TTC6: variants seen among roughly 807,000 people sequenced by gnomAD.
TTC6 encodes tetratricopeptide repeat protein 6.
A neutral mutation model predicts 210.4 loss-of-function variants in TTC6; 172 were observed. The ratio of observed to expected loss-of-function variants is 0.82; its 90% CI spans 0.72 to 0.93. The LOEUF (loss-of-function observed/expected upper bound fraction) is 0.93, where lower values mean the gene tolerates loss of function less well. Ranked by LOEUF, TTC6 falls within the 40% of genes least tolerant of loss-of-function variation. The pLI is 0.00. For synonymous variants in TTC6, 804 were observed against 819.6 expected, an observed-to-expected ratio of 0.98 and a Z score of 0.32; for missense variants, 2,414 against 2,318.1, an observed-to-expected ratio of 1.04 and a Z score of -0.85.
rs1329302530 is a variant in TTC6, at chr14:37,753,085, CG to C, written c.3130-13del. On this transcript the variant is annotated splice_polypyrimidine_tract_variant and intron_variant, in intron 13 of 30. Coordinates refer to ENST00000553443, the Ensembl canonical transcript of TTC6. Reference sequence around the variant, plus strand: ...CATTTTGTGATGTTTATGTACCTCCCGCTGTCCCTATAGTGTATTTTTTATG... The same window carrying C: ...CATTTTGTGATGTTTATGTACCTCCCCTGTCCCTATAGTGTATTTTTTATG... 9.2e-6 allele frequency: 14 copies of C among 1,520,186 alleles called. No individual in the cohort carries two copies. Among genetic ancestry groups the C allele is most frequent in the African/African-American group, 4.1e-5 (3 of 72,534 alleles). 94.2% of individuals were successfully genotyped at this position (1,520,186 alleles called of 1,614,324 possible).
intron 1 of TTC6, among the ~76,000 whole-genome samples, chr14:37,623,743 G>C (rs2095655539): frequency 6.6e-6 from 1 of 152,202 alleles, no homozygotes; most frequent in Non-Finnish European, 1.5e-5. Flanking sequence ...TCTCATCCAA[G>C]ACACTGAGCT....
chr14:37,703,340 C>A (rs1214147538), intron 5 of TTC6, among the ~76,000 whole-genome samples: 1 of 152,030 alleles, frequency 6.6e-6, no homozygotes, highest in Admixed American at 6.6e-5. Flanking sequence ...TAATTCTTGG[C>A]AATTTGTTCC....
intron 1 of TTC6, among the ~76,000 whole-genome samples, chr14:37,646,079 A>G (rs1475625356): frequency 1.3e-5 from 2 of 152,194 alleles, no homozygotes; most frequent in Admixed American, 1.3e-4. Flanking sequence ...ATCAGGAACC[A>G]TAGTGTGTAT....
intron 1 of TTC6, among the ~76,000 whole-genome samples, chr14:37,677,150 G>C (rs927153657): frequency 1.3e-5 from 2 of 151,968 alleles, no homozygotes; most frequent in African/African-American, 4.8e-5. Flanking sequence ...TAGCTTTGGG[G>C]AGTCTTGCCA....
At chr14:37,662,316 G>A (rs540725479) in intron 1 of TTC6, among the ~76,000 whole-genome samples, 1 of 152,130 alleles carries the variant, frequency 6.6e-6, no homozygotes, top group Non-Finnish European at 1.5e-5. Context: ...ATTATTTTGA[G>A]ATATGTTCCT....
At chr14:37,710,383 C>A (rs2095842730) in intron 5 of TTC6, among the ~76,000 whole-genome samples, 1 of 152,030 alleles carries the variant, frequency 6.6e-6, no homozygotes, top group Non-Finnish European at 1.5e-5. Flanking sequence ...CAGCTTAGAA[C>A]AAATGTTTTC....
chr14:37,723,754 G>A (rs2095866321), intron 6 of TTC6, among the ~76,000 whole-genome samples: 1 of 150,960 alleles, frequency 6.6e-6, no homozygotes, highest in African/African-American at 2.4e-5. Flanking sequence ...ACCCCCTTGG[G>A]TGAGATTGTT....
intron 1 of TTC6, among the ~76,000 whole-genome samples, chr14:37,659,410 A>G (rs1392583682): frequency 2.0e-5 from 3 of 152,032 alleles, no homozygotes; most frequent in African/African-American, 7.2e-5. Flanking sequence ...AACAGTGTAT[A>G]TGTGTTCCTT....
chr14:37,708,769 A>G (rs2138723572), intron 5 of TTC6, among the ~76,000 whole-genome samples: 1 of 152,158 alleles, frequency 6.6e-6, no homozygotes, highest in African/African-American at 2.4e-5. Flanking sequence ...CTTATTCAGG[A>G]TGAGGATTTT....
chr14:37,700,001 A>G (rs957014578), intron 4 of TTC6, among the ~76,000 whole-genome samples: 1 of 152,158 alleles, frequency 6.6e-6, no homozygotes, highest in Non-Finnish European at 1.5e-5. Flanking sequence ...GAAATCTGGG[A>G]TATTGCAGCT....
intron 27 of TTC6, among the ~76,000 whole-genome samples, chr14:37,825,495 C>T (rs569591369): frequency 3.0e-4 from 45 of 152,232 alleles, no homozygotes; most frequent in Non-Finnish European, 4.7e-4. Flanking sequence ...AAAAGACAGA[C>T]TCCAGACTGT....
At chr14:37,637,082 C>CA (rs1346103718) in intron 1 of TTC6, among the ~76,000 whole-genome samples, 1 of 151,040 alleles carries the variant, frequency 6.6e-6, no homozygotes, top group African/African-American at 2.4e-5. Flanking sequence ...CATCCACAGG[C>CA]AAAACAACAA....
At chr14:37,694,720 T>TAA (rs956680316) in intron 3 of TTC6, among the ~76,000 whole-genome samples, 68 of 152,132 alleles carry the variant, frequency 4.5e-4, no homozygotes, top group African/African-American at 1.6e-3. Flanking sequence ...ATGTGGTACA[T>TAA]ACACACGATG....
intron 14 of TTC6, among the ~76,000 whole-genome samples, chr14:37,784,323 T>C (rs1408147396): frequency 1.3e-5 from 2 of 152,212 alleles, no homozygotes; most frequent in African/African-American, 4.8e-5. Flanking sequence ...GGTACATATA[T>C]ATTTAGGATA....
At chr14:37,837,798 T>C (rs992184046) in intron 29 of TTC6, among the ~76,000 whole-genome samples, 1 of 152,180 alleles carries the variant, frequency 6.6e-6, no homozygotes, top group Non-Finnish European at 1.5e-5. Flanking sequence ...CTCTATGGTC[T>C]GGGCTCCCAG....
rs758990311 is a variant in TTC6 at position 37,696,853 on chromosome 14, A to G, written c.1376+18A>G. ...CATAAAAAGTAATTTTCTTAAATTT[A>G]TAATTTTTCTATTGGGAGAGGAGTT... On this transcript the variant is annotated intron_variant, in intron 4 of 30. Transcript: ENST00000553443. The G allele has an allele frequency of 2.6e-4, 304 of 1,167,660 alleles. No homozygotes were observed. The highest frequency in any genetic ancestry group is 3.3e-4 in the Non-Finnish European group (297 of 893,118). 72.3% of individuals were successfully genotyped at this position (1,167,660 alleles called of 1,614,324 possible).
upstream of TTC6, among the ~76,000 whole-genome samples, chr14:37,617,612 T>C (rs1031007635): frequency 1.3e-5 from 2 of 152,188 alleles, no homozygotes; most frequent in African/African-American, 4.8e-5. Context: ...ATTATTAATA[T>C]GTTTATATAT....
chr14:37,814,260 G>A (rs1275285390), intron 25 of TTC6, among the ~76,000 whole-genome samples: 6 of 152,100 alleles, frequency 3.9e-5, no homozygotes, highest in Admixed American at 3.9e-4. Flanking sequence ...CCTTGGAAAT[G>A]CTGGGCTCCC....
At chr14:37,629,048 C>T (rs963131542) in intron 1 of TTC6, among the ~76,000 whole-genome samples, 2 of 152,156 alleles carry the variant, frequency 1.3e-5, no homozygotes, top group African/African-American at 4.8e-5. Context: ...ATGATGCCTC[C>T]AGCTTTATTC....
Sources: allele counts gnomAD v4.1 joint callset (sites outside exome capture counted in the v4.1 genomes callset), GRCh38; gene constraint gnomAD v4.1.1; transcripts MANE v1.5; gene names NCBI Gene and HGNC (gene_info 2026-07-23, HGNC 2026-07-21).